Variants in SLC10A1 observed in about 807,000 individuals in gnomAD.
The protein encoded by SLC10A1 is solute carrier family 10 member 1, also known as hepatic sodium/bile acid cotransporter.
Under a neutral mutation model 20.5 loss-of-function variants are expected in SLC10A1, and 36 were observed. That is an observed-to-expected ratio of 1.75 (90% CI 1.34 to 2.32). The LOEUF (loss-of-function observed/expected upper bound fraction) is 2.32. Ranked by LOEUF, SLC10A1 falls within the 30% of genes most tolerant of loss-of-function variation. The probability of loss-of-function intolerance (pLI) is 0.00; values close to 1 mark genes in which losing one functional copy is unlikely to be tolerated. For synonymous variants in SLC10A1, 188 were observed against 163.6 expected, an observed-to-expected ratio of 1.15 and a Z score of -1.14; for missense variants, 545 against 439.1, an observed-to-expected ratio of 1.24 and a Z score of -2.16.
At chr14:69,796,560 C>T (rs1046470352) in intron 1 of SLC10A1, among the ~76,000 whole-genome samples, 2 of 152,196 alleles carry the variant, frequency 1.3e-5, no homozygotes, top group East Asian at 3.9e-4. Context: ...AAGGAGATCA[C>T]CACGAGCTTC....
chr14:69,778,551 C>CA, intron 3 of SLC10A1, 22 bp from the exon 4 acceptor site: 1 of 1,567,262 alleles, frequency 6.4e-7, no homozygotes. Flanking sequence ...AAGAAAACCC[C>CA]ACATACACTC....
intron 2 of SLC10A1, among the ~76,000 whole-genome samples, chr14:69,785,218 T>C (rs1883684801): frequency 1.3e-5 from 2 of 152,196 alleles, no homozygotes. Context: ...AGACCATAGC[T>C]GCACTCTAGG....
chr14:69,777,519 G>GAATATACT lies in SLC10A1; in HGVS notation c.943+806_943+813dup, dbSNP rs1883472747. On this transcript the variant is annotated intron_variant, in intron 4 of 4. Coordinates refer to ENST00000216540, the MANE Select transcript of SLC10A1 (RefSeq NM_003049.4). Reference sequence around the variant, plus strand: ...AAGGATTTGGGTAGGTACTTAGGAAGAATATACTAATGTTGAGAGTTATAA... The same window carrying GAATATACT: ...AAGGATTTGGGTAGGTACTTAGGAAGAATATACTAATATACTAATGTTGAGAGTTATAA... Among the ~76,000 whole-genome samples, 12 of 147,634 alleles carry GAATATACT rather than the reference G, an allele frequency of 8.1e-5. No individual in the cohort carries two copies. The South Asian group carries it at 2.7e-3, about 33-fold the overall frequency.
chr14:69,776,299 A>G lies in SLC10A1; in HGVS notation c.1033T>C (p.Ser345Pro), dbSNP rs1163063793. 1 of 1,613,024 alleles carries G rather than the reference A, an allele frequency of 6.2e-7. No individual in the cohort carries two copies. The highest frequency in any genetic ancestry group is 1.3e-5 in the African/African-American group (1 of 74,884). Residue 345 changes from serine (S) to proline (P), a missense_variant, in exon 5 of 5, where the codon TCC becomes CCC. By Grantham distance (74) the Ser-to-Pro change is moderately conservative (BLOSUM62 -1). Coordinates refer to ENST00000216540, the MANE Select transcript of SLC10A1 (RefSeq NM_003049.4). Reference sequence around the variant, plus strand: ...GGGAAGGGCTAGGCTGTGCAAGGGGAGCAGTCCTCCCCTTTGTAGGTGCCA... The same window carrying G: ...GGGAAGGGCTAGGCTGTGCAAGGGGGGCAGTCCTCCCCTTTGTAGGTGCCA... ...GNGTYKGEDC[S>P]PCTA
rs55645214 is a variant in SLC10A1 at position 69,779,301 on chromosome 14, A to G, written c.627T>C (p.Asn209=). 6,339 of 1,613,974 alleles carry G rather than the reference A, an allele frequency of 3.9e-3. 170 individuals are homozygous for G. In the African/African-American group the frequency reaches 0.064, roughly 16 times the overall value. Residue 209 remains asparagine (N), a synonymous_variant, in exon 3 of 5, where the codon AAT becomes AAC. Coordinates refer to ENST00000216540, the MANE Select transcript of SLC10A1 (RefSeq NM_003049.4). The part of the protein sequence containing the change: ...SVAVTVLSAI[N]VGKSIMFAMT... Reference sequence around the variant, plus strand: ...TGGCAAACATGATGCTCTTCCCCACATTGATGGCAGAGAGAACTGTGACGG... The same window carrying G: ...TGGCAAACATGATGCTCTTCCCCACGTTGATGGCAGAGAGAACTGTGACGG...
At chr14:69,789,914 GTT>G (rs61078487) in intron 1 of SLC10A1, among the ~76,000 whole-genome samples, 2 of 142,900 alleles carry the variant, frequency 1.4e-5, no homozygotes, top group Admixed American at 7.0e-5. Flanking sequence ...CAAAAATAGG[GTT>G]TTTTTTTTTT....
rs763189956 is a variant in SLC10A1, at chr14:69,776,312, T to A, written c.1020A>T (p.Lys340Asn). Residue 340 changes from lysine (K) to asparagine (N), a missense_variant, in exon 5 of 5, where the codon AAA becomes AAT. Lys to Asn is a moderately conservative substitution (Grantham distance 94, BLOSUM62 0). Coordinates refer to ENST00000216540, the MANE Select transcript of SLC10A1 (RefSeq NM_003049.4). ...IPGALGNGTY[K>N]GEDCSPCTA ...CTGTGCAAGGGGAGCAGTCCTCCCC[T>A]TTGTAGGTGCCATTTCCCAGAGCTC... The A allele has an allele frequency of 2.5e-6, 4 of 1,613,608 alleles. No individual in the cohort carries two copies. Among genetic ancestry groups the A allele is most frequent in the Non-Finnish European group, 3.4e-6 (4 of 1,179,986 alleles).
In SLC10A1 at chr14:69,796,940, C is replaced by T. The variant is rs751180988; in HGVS notation, c.216G>A (p.Met72Ile). 3.7e-6 allele frequency: 6 copies of T among 1,614,228 alleles called. No homozygotes were observed. Among genetic ancestry groups the T allele is most frequent in the South Asian group, 3.3e-5 (3 of 91,088 alleles). Residue 72 changes from methionine (M) to isoleucine (I), a missense_variant, in exon 1 of 5, where the codon ATG becomes ATA. By Grantham distance (10) the Met-to-Ile change is conservative (BLOSUM62 1). Coordinates refer to ENST00000216540, the MANE Select transcript of SLC10A1 (RefSeq NM_003049.4). Reference sequence around the variant, plus strand: ...TGCCCAGCACAAAGGCCGTGAGGGGCATGATGCCATACTGTGCCACCAGGG... The same window carrying T: ...TGCCCAGCACAAAGGCCGTGAGGGGTATGATGCCATACTGTGCCACCAGGG... ...AIALVAQYGI[M>I]PLTAFVLGKV...
intron 2 of SLC10A1, among the ~76,000 whole-genome samples, chr14:69,782,384 A>G (rs1594761678): frequency 6.6e-6 from 1 of 152,200 alleles, no homozygotes; most frequent in African/African-American, 2.4e-5. Context: ...GTGCAACACA[A>G]CAGGAACAGA....
chr14:69,781,743 T>C (rs1293474988), intron 2 of SLC10A1, among the ~76,000 whole-genome samples: 1 of 152,232 alleles, frequency 6.6e-6, no homozygotes, highest in Non-Finnish European at 1.5e-5. Flanking sequence ...ATCACCCTTT[T>C]AGCCACATAG....
chr14:69,783,145 C>T (rs530705674), intron 2 of SLC10A1, among the ~76,000 whole-genome samples: 1 of 152,068 alleles, frequency 6.6e-6, no homozygotes, highest in East Asian at 1.9e-4. Context: ...AAACATGTTT[C>T]TCTGTGTATG....
At chr14:69,790,953 GTCAA>G (rs1394115189) in intron 1 of SLC10A1, among the ~76,000 whole-genome samples, 1 of 152,000 alleles carries the variant, frequency 6.6e-6, no homozygotes, top group African/African-American at 2.4e-5. Context: ...GCATCAGTCA[GTCAA>G]TCAATTGGGT....
chr14:69,795,400 CT>C lies in SLC10A1; in HGVS notation c.356+1399del, dbSNP rs140035207. ...TCATTCACTCTCACTTTTTTATTTC[CT>C]TTTTTTTTTTTTTTTTGAGAGAGAG... On this transcript the variant is annotated intron_variant, in intron 1 of 4. Coordinates refer to ENST00000216540, the MANE Select transcript of SLC10A1 (RefSeq NM_003049.4). 6.1e-3 allele frequency among the ~76,000 whole-genome samples: 785 copies of C among 128,784 alleles called. 2 individuals are homozygous for C. The highest frequency in any genetic ancestry group is 8.4e-3 in the Non-Finnish European group (523 of 62,172). The allele number at this position is 128,784 out of a possible 152,430, so 84.5% of individuals were successfully genotyped here. A position where few individuals can be genotyped will look rare whatever the true frequency, so the allele number is the denominator to read the frequency against.
intron 1 of SLC10A1, among the ~76,000 whole-genome samples, chr14:69,791,865 T>C (rs1408606635): frequency 2.0e-5 from 3 of 152,330 alleles, no homozygotes; most frequent in Non-Finnish European, 4.4e-5. Flanking sequence ...AGTTCTACAT[T>C]GATTGGAGCT....
chr14:69,783,576 C>CTG (rs2139715006), intron 2 of SLC10A1, among the ~76,000 whole-genome samples: 1 of 152,210 alleles, frequency 6.6e-6, no homozygotes, highest in East Asian at 1.9e-4. Context: ...GAGAAAAGAG[C>CTG]TGAGACTGGT....
At position 69,777,609 on chromosome 14, in the gene SLC10A1, A is replaced by ATTTT. The variant is rs1209960018; in HGVS notation, c.943+723_943+724insAAAA. Among the ~76,000 whole-genome samples, 110 of 79,648 alleles carry ATTTT rather than the reference A, an allele frequency of 1.4e-3. 7 individuals are homozygous for ATTTT. The highest frequency in any genetic ancestry group is 3.7e-3 in the Admixed American group (24 of 6,532). 52.3% of individuals were successfully genotyped at this position (79,648 alleles called of 152,430 possible). On this transcript the variant is annotated intron_variant, in intron 4 of 4. Transcript: ENST00000216540. ...TTTTTTTTTTTTTTTTTTTTTTAAAATTGGTGTTAAAGTGCACTTTGAGGA... is the reference window on the plus strand; with the variant it reads ...TTTTTTTTTTTTTTTTTTTTTTAAAATTTTTTGGTGTTAAAGTGCACTTTGAGGA...
chr14:69,789,576 CT>C (rs1426598397), intron 1 of SLC10A1, among the ~76,000 whole-genome samples: 1 of 152,002 alleles, frequency 6.6e-6, no homozygotes, highest in African/African-American at 2.4e-5. Context: ...GATGGAGTTC[CT>C]TTTTGGGGTA....
At chr14:69,780,520 G>T (rs1196584371) in intron 2 of SLC10A1, among the ~76,000 whole-genome samples, 2 of 152,272 alleles carry the variant, frequency 1.3e-5, no homozygotes, top group Non-Finnish European at 1.5e-5. Flanking sequence ...AGCAAAGTTT[G>T]CCATTTTAAT....
chr14:69,794,443 G>A (rs1295079754), intron 1 of SLC10A1, among the ~76,000 whole-genome samples: 1 of 152,132 alleles, frequency 6.6e-6, no homozygotes, highest in Non-Finnish European at 1.5e-5. Flanking sequence ...CCAATGTATT[G>A]ACCTCTCTAA....
Sources: allele counts gnomAD v4.1 joint callset (sites outside exome capture counted in the v4.1 genomes callset), GRCh38; gene constraint gnomAD v4.1.1; transcripts MANE v1.5; gene names NCBI Gene and HGNC (gene_info 2026-07-23, HGNC 2026-07-21).